SLC45A4: variants seen among roughly 807,000 people sequenced by gnomAD.
The protein encoded by SLC45A4 is solute carrier family 45 member 4.
Under a neutral mutation model 63.7 loss-of-function variants are expected in SLC45A4, and 32 were observed. The ratio of observed to expected loss-of-function variants is 0.50; its 90% CI spans 0.38 to 0.67. The LOEUF is 0.67. Among genes scored for constraint, SLC45A4 ranks in the 30% least tolerant of loss-of-function variants. The probability of loss-of-function intolerance (pLI) is 0.00; values close to 1 mark genes in which losing one functional copy is unlikely to be tolerated. For synonymous variants in SLC45A4, 535 were observed against 510.0 expected, an observed-to-expected ratio of 1.05 and a Z score of -0.66; for missense variants, 1,027 against 1,157.7, an observed-to-expected ratio of 0.89 and a Z score of 1.64.
rs758659915 is a variant in SLC45A4, at chr8:141,218,332, G to A, written c.1308C>T (p.His436=). Residue 436 remains histidine, a synonymous_variant, in exon 5 of 9, where the codon CAC becomes CAT. Transcript: ENST00000517878. ...TFSYYGKLGS[H]CYRYRRANAV... Reference sequence around the variant, plus strand: ...CGTTGGCGCGCCGGTAGCGGTAGCAGTGGGACCCAAGCTTGCCGTAGTAGG... The same window carrying A: ...CGTTGGCGCGCCGGTAGCGGTAGCAATGGGACCCAAGCTTGCCGTAGTAGG... 2.0e-5 allele frequency: 32 copies of A among 1,607,924 alleles called. No individual in the cohort carries two copies. Among genetic ancestry groups the A allele is most frequent in the Admixed American group, 1.3e-4 (8 of 60,002 alleles).
intron 1 of SLC45A4, among the ~76,000 whole-genome samples, chr8:141,259,789 T>C (rs534816131): frequency 6.6e-5 from 10 of 152,336 alleles, no homozygotes; most frequent in South Asian, 6.2e-4. Context: ...GCAACGTCCA[T>C]GCTTCTTGAA....
At chr8:141,244,021 CTGTA>C (rs1310591758) in intron 2 of SLC45A4, among the ~76,000 whole-genome samples, 1 of 152,102 alleles carries the variant, frequency 6.6e-6, no homozygotes, top group Non-Finnish European at 1.5e-5. Flanking sequence ...GGATTTTTGA[CTGTA>C]TGGGGAGTTG....
chr8:141,219,166 C>T, intron 4 of SLC45A4, 137 bp from the exon 5 acceptor site: 1 of 1,021,574 alleles, frequency 9.8e-7, no homozygotes, highest in Non-Finnish European at 1.4e-6. Context: ...AAGGAGAAAG[C>T]AGTAGGAAAA....
chr8:141,225,877 C>T (rs548998199), intron 2 of SLC45A4: 93 of 153,298 alleles, frequency 6.1e-4, no homozygotes, highest in South Asian at 2.9e-3. Context: ...TCCCCTTTGC[C>T]CTCAGCTCTG....
Position 141,254,624 on chromosome 8 carries a change from G to C in SLC45A4, c.-395C>G, listed in dbSNP as rs987571826. The C allele has an allele frequency of 4.3e-6, 3 of 699,784 alleles. No individual in the cohort carries two copies. Among genetic ancestry groups the C allele is most frequent in the Non-Finnish European group, 7.8e-6 (3 of 383,476 alleles). The allele number at this position is 699,784 out of a possible 1,614,324, so 43.3% of individuals were successfully genotyped here. A position where few individuals can be genotyped will look rare whatever the true frequency, so the allele number is the denominator to read the frequency against. The stretch of plus-strand genomic sequence containing the variant: ...GCTGGTAATCCCCATCGAGTGACTG[G>C]ATGATCTGCAAAAGAGGAAAACAAC... On this transcript the variant is annotated 5_prime_UTR_variant, in exon 2 of 9. The change creates a new upstream start codon in the 5' untranslated region. Coordinates refer to ENST00000517878, the MANE Select transcript of SLC45A4 (RefSeq NM_001286646.2). The surrounding 1 kb of genome is among the most constrained non-coding windows in gnomAD (Gnocchi z 4.5).
rs146766999 is a variant in SLC45A4, at chr8:141,218,569, G to A, written c.1071C>T (p.Pro357=). 8 of 1,613,422 alleles carry A rather than the reference G, an allele frequency of 5.0e-6. No homozygotes were observed. The highest frequency in any genetic ancestry group is 6.8e-6 in the Non-Finnish European group (8 of 1,179,932). The change falls in exon 5 of 9, where the codon CCC becomes CCT. Residue 357 remains proline (P), a synonymous_variant. Coordinates refer to ENST00000517878, the MANE Select transcript of SLC45A4 (RefSeq NM_001286646.2). ...CTTCCTTGAGGAAGGTGGCCAGGCGGGGCAGCTTGGTCTTGGCGAGCTCCT... is the reference window on the plus strand; with the variant it reads ...CTTCCTTGAGGAAGGTGGCCAGGCGAGGCAGCTTGGTCTTGGCGAGCTCCT... ...TSQELAKTKL[P]RLATFLKEAA...
At chr8:141,253,299 CTG>C (rs1828610864) in intron 2 of SLC45A4, 1 of 186,476 alleles carries the variant, frequency 5.4e-6, no homozygotes, top group Non-Finnish European at 1.1e-5. Context: ...CTGCGTGTGT[CTG>C]TGAATTTCTG....
At position 141,218,244 on chromosome 8, in the gene SLC45A4, G is replaced by A. The variant is rs150355587; in HGVS notation, c.1396C>T (p.Arg466Trp). The change falls in exon 5 of 9, where the codon CGG becomes TGG. Residue 466 changes from arginine to tryptophan, a missense_variant. Coordinates refer to ENST00000517878, the MANE Select transcript of SLC45A4 (RefSeq NM_001286646.2). ...SDLYDMQKRQ[R>W]QHRHRNQSGA... ...CTCTGGTTCCGGTGCCGGTGCTGCC[G>A]CTGCCGCTTCTGCATGTCGTACAGG... 9.4e-4 allele frequency: 1,511 copies of A among 1,601,874 alleles called. 7 individuals are homozygous for A. Among genetic ancestry groups the A allele is most frequent in the South Asian group, 4.8e-3 (437 of 91,050 alleles).
chr8:141,289,233 G>A (rs549833850), intron 1 of SLC45A4, among the ~76,000 whole-genome samples: 1 of 152,222 alleles, frequency 6.6e-6, no homozygotes, highest in African/African-American at 2.4e-5. Context: ...TTTCGAGAAG[G>A]AGTGAGAAAC....
At chr8:141,235,218 G>C (rs540431933) in intron 2 of SLC45A4, among the ~76,000 whole-genome samples, 2 of 152,286 alleles carry the variant, frequency 1.3e-5, no homozygotes, top group South Asian at 2.1e-4. Context: ...AGCAGGGAAC[G>C]GCACTGACTG....
intron 1 of SLC45A4, among the ~76,000 whole-genome samples, chr8:141,305,474 C>A (rs1283390749): frequency 6.6e-6 from 1 of 152,126 alleles, no homozygotes; most frequent in Non-Finnish European, 1.5e-5. Context: ...CCTGGGGAAC[C>A]TAGGAGGCCA....
intron 2 of SLC45A4, among the ~76,000 whole-genome samples, chr8:141,244,381 T>A (rs567809191): frequency 1.3e-5 from 2 of 152,266 alleles, no homozygotes; most frequent in East Asian, 3.9e-4. Flanking sequence ...ATATGAGGCA[T>A]CCAAGGCAGG....
rs1480790591 is a variant in SLC45A4, at chr8:141,260,033, G to C, written c.-400-5404C>G. On this transcript the variant is annotated intron_variant, in intron 1 of 8. Transcript: ENST00000517878. The stretch of plus-strand genomic sequence containing the variant: ...GCGTCCCTGAAGTCCTCATGAAACA[G>C]CATGAGCATGGCACCGGTGTCACCT... 2.0e-5 allele frequency among the ~76,000 whole-genome samples: 3 copies of C among 152,178 alleles called. No homozygotes were observed. In the East Asian group the frequency reaches 5.8e-4, roughly 29 times the overall value.
At chr8:141,282,311 C>T (rs1411965648) in intron 1 of SLC45A4, among the ~76,000 whole-genome samples, 1 of 152,188 alleles carries the variant, frequency 6.6e-6, no homozygotes, top group African/African-American at 2.4e-5. Context: ...TCCCAGGTGG[C>T]CCCACGATGG....
chr8:141,287,470 C>G (rs1830190989), intron 1 of SLC45A4, among the ~76,000 whole-genome samples: 1 of 152,208 alleles, frequency 6.6e-6, no homozygotes, highest in Non-Finnish European at 1.5e-5. Flanking sequence ...CCCAAAGTCC[C>G]TCGTTAACCC....
intron 2 of SLC45A4, among the ~76,000 whole-genome samples, chr8:141,223,140 T>C (rs1039693853): frequency 6.6e-6 from 1 of 152,226 alleles, no homozygotes; most frequent in African/African-American, 2.4e-5. Context: ...TTCAAAATTA[T>C]TGCTAATGTG....
intron 1 of SLC45A4, among the ~76,000 whole-genome samples, chr8:141,285,314 A>G (rs1227137089): frequency 2.6e-5 from 4 of 152,210 alleles, no homozygotes; most frequent in African/African-American, 4.8e-5. Flanking sequence ...CGTGGCTGAG[A>G]TTCCTCGGCC....
rs552150777 is a variant in SLC45A4 at position 141,301,825 on chromosome 8, G to A, written c.-401+6271C>T. On this transcript the variant is annotated intron_variant, in intron 1 of 8. Coordinates refer to ENST00000517878, the MANE Select transcript of SLC45A4 (RefSeq NM_001286646.2). ...ATAAAAATAAAAACTAGCTGGGCAT[G>A]ATAGCATACACCTGTGGTCCCAGCT... Among the ~76,000 whole-genome samples the A allele has an allele frequency of 6.7e-5, 10 of 148,464 alleles. No individual in the cohort carries two copies. In the South Asian group the frequency reaches 2.1e-3, roughly 32 times the overall value.
At chr8:141,245,552 T>A (rs1001812126) in intron 2 of SLC45A4, among the ~76,000 whole-genome samples, 1 of 152,018 alleles carries the variant, frequency 6.6e-6, no homozygotes, top group Non-Finnish European at 1.5e-5. Flanking sequence ...TCCCAGAGCA[T>A]CAGGGACTCC....
Sources: gnomAD v4.1 joint callset for allele counts (sites outside exome capture counted in the v4.1 genomes callset) on GRCh38, gnomAD v4.1.1 for gene constraint, Gnocchi (gnomAD v3.1) non-coding constraint, MANE v1.5 for transcripts, NCBI Gene and HGNC (gene_info 2026-07-23, HGNC 2026-07-21) for gene names.